STON1: variants seen among roughly 807,000 people sequenced by gnomAD.
The protein encoded by STON1 is stonin-1.
STON1 carries 79 observed loss-of-function variants against 60.9 expected under a neutral mutation model. The ratio of observed to expected loss-of-function variants is 1.30; its 90% CI spans 1.08 to 1.56. The LOEUF is 1.56. Ranked by LOEUF, STON1 falls within the 40% of genes most tolerant of loss-of-function variation. The pLI, the probability that STON1 is intolerant of heterozygous loss-of-function variation, is 0.00. For missense variants in STON1, 1,166 were observed against 858.9 expected, an observed-to-expected ratio of 1.36 and a Z score of -4.47; for synonymous variants, 363 against 306.9, an observed-to-expected ratio of 1.18 and a Z score of -1.91.
At position 48,595,369 on chromosome 2, in the gene STON1, C is replaced by T; in HGVS notation, c.*67C>T. The T allele has an allele frequency of 7.3e-7, 1 of 1,378,802 alleles. No individual in the cohort carries two copies. The highest frequency in any genetic ancestry group is 2.4e-5 in the East Asian group (1 of 42,438). 85.4% of individuals were successfully genotyped at this position (1,378,802 alleles called of 1,614,324 possible). ...GTAATTCACCGAAACCACACCAAGTCCTGCTACTGTAGAGTGGAAATGACT... is the reference window on the plus strand; with the variant it reads ...GTAATTCACCGAAACCACACCAAGTTCTGCTACTGTAGAGTGGAAATGACT... On this transcript the variant is annotated 3_prime_UTR_variant, in exon 4 of 4. Coordinates refer to ENST00000404752, the MANE Select transcript of STON1 (RefSeq NM_006873.4).
intron 1 of STON1, among the ~76,000 whole-genome samples, chr2:48,533,527 A>C (rs1671298839): frequency 6.6e-6 from 1 of 151,808 alleles, no homozygotes. Context: ...TGTCTCTACT[A>C]AAAATATAGA....
chr2:48,535,353 G>C (rs1671381652), intron 1 of STON1, among the ~76,000 whole-genome samples: 1 of 152,166 alleles, frequency 6.6e-6, no homozygotes, highest in African/African-American at 2.4e-5. Flanking sequence ...GATTGGGTGA[G>C]GTGGAAATAT....
chr2:48,564,714 CTTCTTTCT>C (rs1204519245), intron 1 of STON1, among the ~76,000 whole-genome samples: 7 of 129,912 alleles, frequency 5.4e-5, no homozygotes, highest in East Asian at 2.1e-4. Flanking sequence ...TTCCTTATTT[CTTCTTTCT>C]TTCTTTCTTT....
chr2:48,548,766 C>G (rs1019846450), intron 1 of STON1, among the ~76,000 whole-genome samples: 2 of 152,216 alleles, frequency 1.3e-5, no homozygotes, highest in African/African-American at 4.8e-5. Flanking sequence ...TCCCAAAGTG[C>G]TGGGATTACA....
intron 1 of STON1, among the ~76,000 whole-genome samples, chr2:48,532,430 G>C (rs1671251700): frequency 2.0e-5 from 1 of 49,696 alleles, no homozygotes; most frequent in Non-Finnish European, 3.5e-5. Flanking sequence ...CATTCAAAAA[G>C]TAAGTCCAAA....
chr2:48,572,118 A>T (rs1355187445), intron 1 of STON1, among the ~76,000 whole-genome samples: 1 of 152,166 alleles, frequency 6.6e-6, no homozygotes, highest in Admixed American at 6.5e-5. Flanking sequence ...AGCCAAGATC[A>T]TGCCACTACA....
intron 1 of STON1, among the ~76,000 whole-genome samples, chr2:48,564,446 C>CTTCTTCTTCTTCTTCTTCTTCTTCT (rs1672757976): frequency 1.9e-5 from 1 of 51,818 alleles, no homozygotes; most frequent in South Asian, 6.5e-4. Flanking sequence ...TCTTCTTCTT[C>CTTCTTCTTCTTCTTCTTCTTCTTCT]TTCTTCTTCT....
At chr2:48,543,513 T>G (rs1671744176) in intron 1 of STON1, among the ~76,000 whole-genome samples, 1 of 151,748 alleles carries the variant, frequency 6.6e-6, no homozygotes, top group Non-Finnish European at 1.5e-5. Context: ...ACTCTTTATT[T>G]CATTTTTAAA....
intron 1 of STON1, among the ~76,000 whole-genome samples, chr2:48,541,000 T>C (rs2103753925): frequency 6.6e-6 from 1 of 152,358 alleles, no homozygotes; most frequent in East Asian, 1.9e-4. Flanking sequence ...CAATCCGTCA[T>C]ACTGACTGAG....
At position 48,580,801 on chromosome 2, in the gene STON1, C is replaced by T. The variant is rs1175104512; in HGVS notation, c.168C>T (p.Ser56=). 7 of 1,551,808 alleles carry T rather than the reference C, an allele frequency of 4.5e-6. No individual in the cohort carries two copies. The African/African-American group carries it at 9.6e-5, about 21-fold the overall frequency. Residue 56 remains serine, a synonymous_variant, in exon 2 of 4, where the codon TCC becomes TCT. Coordinates refer to ENST00000404752, the MANE Select transcript of STON1 (RefSeq NM_006873.4). Reference sequence around the variant, plus strand: ...GGGAATTTCCCAGTGGATCTTCCTCCACCAGCAGCACTCCTCTCTCCTCCC... The same window carrying T: ...GGGAATTTCCCAGTGGATCTTCCTCTACCAGCAGCACTCCTCTCTCCTCCC... ...GLREFPSGSS[S]TSSTPLSSPI... is the part of the protein sequence containing the mutation.
At position 48,580,641 on chromosome 2, in the gene STON1, C is replaced by A. The variant is rs375683286; in HGVS notation, c.8C>A (p.Ser3Tyr). 33 of 1,367,468 alleles carry A rather than the reference C, an allele frequency of 2.4e-5. No individual in the cohort carries two copies. The highest frequency in any genetic ancestry group is 3.0e-5 in the Non-Finnish European group (32 of 1,054,064). 84.7% of individuals were successfully genotyped at this position (1,367,468 alleles called of 1,614,324 possible). A position where few individuals can be genotyped will look rare whatever the true frequency, so the allele number is the denominator to read the frequency against. Residue 3 changes from serine to tyrosine, a missense_variant, in exon 2 of 4, where the codon TCC becomes TAC. Coordinates refer to ENST00000404752, the MANE Select transcript of STON1 (RefSeq NM_006873.4). Reference sequence around the variant, plus strand: ...CACAATCTGATCCCAAAGATGTGCTCCACAAATCCAGGCAAATGGGTCACC... The same window carrying A: ...CACAATCTGATCCCAAAGATGTGCTACACAAATCCAGGCAAATGGGTCACC... MC[S>Y]TNPGKWVTFD...
At chr2:48,579,400 AC>A (rs1219322025) in intron 1 of STON1, among the ~76,000 whole-genome samples, 6 of 151,808 alleles carry the variant, frequency 4.0e-5, no homozygotes, top group African/African-American at 1.5e-4. Context: ...CCCTGTGAGT[AC>A]TGTTTTGGTG....
At chr2:48,576,995 C>G (rs1377373596) in intron 1 of STON1, among the ~76,000 whole-genome samples, 1 of 150,346 alleles carries the variant, frequency 6.7e-6, no homozygotes, top group Admixed American at 6.6e-5. Flanking sequence ...TGGAGCTTGC[C>G]GTGAGCCAAG....
intron 1 of STON1, among the ~76,000 whole-genome samples, chr2:48,578,911 G>C (rs1319525272): frequency 1.3e-5 from 2 of 151,536 alleles, no homozygotes; most frequent in African/African-American, 4.8e-5. Context: ...CTCCAGTGTG[G>C]CTGAGGGAAG....
At chr2:48,538,763 ATTTTTTTTTTTTTT>A (rs34052598) in intron 1 of STON1, among the ~76,000 whole-genome samples, 1 of 86,370 alleles carries the variant, frequency 1.2e-5, no homozygotes, top group South Asian at 4.3e-4. Context: ...ACACCCAGCT[ATTTTTTTTTTTTTT>A]TTTTTTTTTT....
intron 1 of STON1, among the ~76,000 whole-genome samples, chr2:48,556,240 G>A (rs1417963674): frequency 3.4e-4 from 10 of 29,500 alleles, no homozygotes; most frequent in African/African-American, 8.2e-4. Context: ...CCTCCCTCCC[G>A]GACGGGGCGG....
At chr2:48,577,811 T>A (rs1207439963) in intron 1 of STON1, among the ~76,000 whole-genome samples, 1 of 151,502 alleles carries the variant, frequency 6.6e-6, no homozygotes, top group African/African-American at 2.4e-5. Context: ...AGACGCGATT[T>A]CACCATGTTG....
At chr2:48,585,387 A>G (rs1674149580) in intron 2 of STON1, among the ~76,000 whole-genome samples, 1 of 152,036 alleles carries the variant, frequency 6.6e-6, no homozygotes. Context: ...AGCTAGGATT[A>G]CAGGCCCGCA....
chr2:48,571,154 C>G (rs149795802), intron 1 of STON1, among the ~76,000 whole-genome samples: 212 of 152,272 alleles, frequency 1.4e-3, no homozygotes, highest in African/African-American at 4.9e-3. Flanking sequence ...CTGTGACTGG[C>G]CTTGTCTCTG....
Sources: gnomAD v4.1 joint callset for allele counts (sites outside exome capture counted in the v4.1 genomes callset) on GRCh38, gnomAD v4.1.1 for gene constraint, MANE v1.5 for transcripts, NCBI Gene and HGNC (gene_info 2026-07-23, HGNC 2026-07-21) for gene names.